The following LOC122539214 variants were observed in gnomAD, a reference collection of about 807,000 sequenced individuals.
At chr19:52,676,470 GC>G in the LOC122539214 span, among the ~76,000 whole-genome samples, 609 of 151,826 alleles carry the variant, frequency 4.0e-3, 1 homozygote, top group African/African-American at 0.014. Flanking sequence ...GCCTGCCCCG[GC>G]CCGGCTAGCC....
chr19:52,676,280 G>C, the LOC122539214 span, among the ~76,000 whole-genome samples: 1 of 152,188 alleles, frequency 6.6e-6, no homozygotes, highest in African/African-American at 2.4e-5. Context: ...CGTTCACTCA[G>C]TGCTCAATGG....
the LOC122539214 span, chr19:52,654,011 T>C: frequency 4.6e-6 from 7 of 1,538,020 alleles, no homozygotes; most frequent in African/African-American, 6.8e-5. Context: ...CAAGAAATTC[T>C]TTGGGATGTT....
At chr19:52,679,683 T>C in the LOC122539214 span, among the ~76,000 whole-genome samples, 2 of 152,176 alleles carry the variant, frequency 1.3e-5, no homozygotes, top group Non-Finnish European at 2.9e-5. Flanking sequence ...TTCTATCTCA[T>C]AACCTGGTCC....
chr19:52,680,540 C>A, the LOC122539214 span, among the ~76,000 whole-genome samples: 132 of 151,848 alleles, frequency 8.7e-4, no homozygotes, highest in South Asian at 0.017. Flanking sequence ...TCTGACAAAC[C>A]CACGTTAAGG....
At chr19:52,655,968 T>C in the LOC122539214 span, among the ~76,000 whole-genome samples, 4 of 151,936 alleles carry the variant, frequency 2.6e-5, no homozygotes, top group Non-Finnish European at 5.9e-5. Context: ...CCCAGCAGTT[T>C]GGGAGGCTGA....
chr19:52,660,076 A>T, the LOC122539214 span, among the ~76,000 whole-genome samples: 1 of 152,118 alleles, frequency 6.6e-6, no homozygotes, highest in Non-Finnish European at 1.5e-5. Context: ...CTGTAATCCC[A>T]GCTACTCAGG....
At chr19:52,679,797 G>C in the LOC122539214 span, among the ~76,000 whole-genome samples, 2 of 152,074 alleles carry the variant, frequency 1.3e-5, no homozygotes, top group African/African-American at 4.8e-5. Context: ...CTGTTTTTAT[G>C]CAAACTCACT....
chr19:52,668,173 G>C, the LOC122539214 span, among the ~76,000 whole-genome samples: 2 of 152,142 alleles, frequency 1.3e-5, no homozygotes, highest in Non-Finnish European at 2.9e-5. Context: ...GCCTGGGGAT[G>C]ACGTTCTCAT....
the LOC122539214 span, among the ~76,000 whole-genome samples, chr19:52,683,956 G>A: frequency 0.03 from 4,509 of 152,220 alleles, 185 homozygotes; most frequent in African/African-American, 0.091. Flanking sequence ...GTTTCTGGGC[G>A]GGCACAGTGA....
the LOC122539214 span, among the ~76,000 whole-genome samples, chr19:52,680,940 T>G: frequency 1.3e-5 from 2 of 151,760 alleles, no homozygotes; most frequent in African/African-American, 2.4e-5. Context: ...ATCCCTTAAG[T>G]CACTGTGGAT....
chr19:52,654,013 T>G, the LOC122539214 span: 2 of 1,540,726 alleles, frequency 1.3e-6, no homozygotes, highest in Non-Finnish European at 9.0e-7. Flanking sequence ...AGAAATTCTT[T>G]GGGATGTTGA....
At chr19:52,687,199 T>C in the LOC122539214 span, among the ~76,000 whole-genome samples, 1 of 143,948 alleles carries the variant, frequency 6.9e-6, no homozygotes, top group Non-Finnish European at 1.5e-5. Flanking sequence ...AAAAAAAAAG[T>C]ACTATGTAGG....
the LOC122539214 span, among the ~76,000 whole-genome samples, chr19:52,679,342 G>A: frequency 6.6e-6 from 1 of 152,190 alleles, no homozygotes; most frequent in African/African-American, 2.4e-5. Context: ...CAGGCATGGT[G>A]GCTCATGCCT....
the LOC122539214 span, among the ~76,000 whole-genome samples, chr19:52,687,499 G>T: frequency 8.0e-3 from 119 of 14,886 alleles, 25 homozygotes; most frequent in African/African-American, 0.012. Context: ...AATTTATATA[G>T]ATATATAAAT....
the LOC122539214 span, among the ~76,000 whole-genome samples, chr19:52,666,340 T>C: frequency 2.0e-5 from 3 of 152,018 alleles, no homozygotes; most frequent in African/African-American, 7.2e-5. Context: ...AGGGTAAATT[T>C]AAAACCTATA....
At chr19:52,682,298 T>C in the LOC122539214 span, among the ~76,000 whole-genome samples, 1 of 152,118 alleles carries the variant, frequency 6.6e-6, no homozygotes, top group Non-Finnish European at 1.5e-5. Flanking sequence ...GATGGGAGGA[T>C]CCCTAGAGGT....
At chr19:52,655,545 G>A in the LOC122539214 span, 5 of 1,477,822 alleles carry the variant, frequency 3.4e-6, no homozygotes, top group Non-Finnish European at 4.7e-6. Context: ...CACATCAGGA[G>A]GGACATTTTC....
chr19:52,680,603 A>G, the LOC122539214 span, among the ~76,000 whole-genome samples: 1 of 101,640 alleles, frequency 9.8e-6, no homozygotes, highest in African/African-American at 3.0e-5. Flanking sequence ...TTTTCCACAA[A>G]ATATTTTTTT....
the LOC122539214 span, among the ~76,000 whole-genome samples, chr19:52,685,644 C>T: frequency 1.3e-5 from 2 of 151,972 alleles, no homozygotes; most frequent in South Asian, 2.1e-4. Flanking sequence ...TGCCTGTAAT[C>T]CCAGCACATT....
Sources: allele counts gnomAD v4.1 joint callset (sites outside exome capture counted in the v4.1 genomes callset), GRCh38; gene constraint gnomAD v4.1.1; transcripts MANE v1.5.